CNTN5: variants seen among roughly 807,000 people sequenced by gnomAD.
CNTN5 encodes the protein contactin-5.
CNTN5 carries 77 observed loss-of-function variants against 129.1 expected under a neutral mutation model. The ratio of observed to expected loss-of-function variants is 0.60; its 90% CI spans 0.50 to 0.72. The LOEUF (loss-of-function observed/expected upper bound fraction) is 0.72, where lower values mean the gene tolerates loss of function less well. Among genes scored for constraint, CNTN5 ranks in the 30% least tolerant of loss-of-function variants. CNTN5 has a pLI of 0.00. For missense variants in CNTN5, 1,478 were observed against 1,328.8 expected, an observed-to-expected ratio of 1.11 and a Z score of -1.75; for synonymous variants, 509 against 465.6, an observed-to-expected ratio of 1.09 and a Z score of -1.20.
intron 6 of CNTN5, among the ~76,000 whole-genome samples, chr11:99,867,912 A>G (rs1399224786): frequency 6.6e-6 from 1 of 152,150 alleles, no homozygotes; most frequent in Non-Finnish European, 1.5e-5. Flanking sequence ...ACAAAAGGCA[A>G]GAAGTGTTCT....
At chr11:100,265,737 C>T (rs995368816) in intron 17 of CNTN5, among the ~76,000 whole-genome samples, 3 of 151,996 alleles carry the variant, frequency 2.0e-5, no homozygotes, top group African/African-American at 7.2e-5. Context: ...GTATGAATAC[C>T]GCCTCCTGCA....
intron 1 of CNTN5, among the ~76,000 whole-genome samples, chr11:99,232,199 C>T (rs879016269): frequency 1.3e-5 from 2 of 151,838 alleles, no homozygotes; most frequent in East Asian, 1.9e-4. Flanking sequence ...TGTCAATGGT[C>T]GTTTAATGGG....
At chr11:99,815,036 G>A (rs1307550742) in intron 3 of CNTN5, among the ~76,000 whole-genome samples, 1 of 140,746 alleles carries the variant, frequency 7.1e-6, no homozygotes, top group Non-Finnish European at 1.6e-5. Context: ...ACAGCACGGG[G>A]GAAACTGCCC....
chr11:99,960,063 T>C (rs1270018594), intron 8 of CNTN5, among the ~76,000 whole-genome samples: 1 of 152,186 alleles, frequency 6.6e-6, no homozygotes, highest in Non-Finnish European at 1.5e-5. Context: ...CTTCCCTTTT[T>C]TGTTGTTGTT....
Position 99,564,849 on chromosome 11 carries a change from C to G in CNTN5, c.55+8580C>G, listed in dbSNP as rs1205321576. Among the ~76,000 whole-genome samples, 3 of 152,110 alleles carry G rather than the reference C, an allele frequency of 2.0e-5. No homozygotes were observed. The East Asian group carries it at 5.8e-4, about 29-fold the overall frequency. On this transcript the variant is annotated intron_variant, in intron 3 of 24. Transcript: ENST00000524871. Reference sequence around the variant, plus strand: ...GCAGCTTTCCTGATGGTTTTCGGCTCTTTGTAAATTCAGTCTCCATGTTTA... The same window carrying G: ...GCAGCTTTCCTGATGGTTTTCGGCTGTTTGTAAATTCAGTCTCCATGTTTA...
At chr11:99,773,513 G>A (rs1193963070) in intron 3 of CNTN5, among the ~76,000 whole-genome samples, 3 of 151,866 alleles carry the variant, frequency 2.0e-5, no homozygotes, top group African/African-American at 7.3e-5. Context: ...TACTAACCTA[G>A]GGTATGTTAG....
chr11:99,305,019 G>A (rs919136427), intron 1 of CNTN5, among the ~76,000 whole-genome samples: 6 of 152,122 alleles, frequency 3.9e-5, no homozygotes, highest in Non-Finnish European at 8.8e-5. Context: ...ACTTTCCCAT[G>A]CCTATCCAGT....
chr11:100,298,521 A>G (rs1028920970), intron 19 of CNTN5, among the ~76,000 whole-genome samples: 3 of 151,284 alleles, frequency 2.0e-5, no homozygotes, highest in Non-Finnish European at 4.4e-5. Context: ...GCAAATATTT[A>G]TTGAGTATCT....
chr11:99,476,037 T>C (rs890413544), intron 2 of CNTN5, among the ~76,000 whole-genome samples: 9 of 150,324 alleles, frequency 6.0e-5, no homozygotes, highest in Admixed American at 1.3e-4. Context: ...CAGCCTCTAA[T>C]ATTTCTTCAT....
rs190747477 is a variant in CNTN5, at chr11:99,499,141, A to C, written c.-70-57004A>C. Among the ~76,000 whole-genome samples the C allele has an allele frequency of 5.3e-4, 80 of 152,238 alleles. No individual in the cohort carries two copies. The Middle Eastern group carries it at 0.014, about 26-fold the overall frequency. Reference sequence around the variant, plus strand: ...TCTAAATTTTGTCACTGCTACTTTGAATTCTATTCCTACTGAGATAGTTAA... The same window carrying C: ...TCTAAATTTTGTCACTGCTACTTTGCATTCTATTCCTACTGAGATAGTTAA... On this transcript the variant is annotated intron_variant, in intron 2 of 24. Transcript: ENST00000524871.
intron 2 of CNTN5, among the ~76,000 whole-genome samples, chr11:99,516,553 ACGC>A (rs1198647063): frequency 2.0e-5 from 3 of 152,104 alleles, no homozygotes; most frequent in Non-Finnish European, 2.9e-5. Flanking sequence ...ATACATGCTT[ACGC>A]ACGGGCACAC....
At chr11:99,556,110 C>A in intron 2 of CNTN5, 35 bp from the exon 3 acceptor site, 1 of 539,660 alleles carries the variant, frequency 1.9e-6, no homozygotes, top group South Asian at 4.1e-5. Context: ...TGTTTATTTC[C>A]TCTGTTTAAG....
At chr11:99,691,942 T>A (rs1954055505) in intron 3 of CNTN5, among the ~76,000 whole-genome samples, 1 of 152,162 alleles carries the variant, frequency 6.6e-6, no homozygotes, top group Non-Finnish European at 1.5e-5. Flanking sequence ...ATTGGGTGCA[T>A]ATATATTTAG....
intron 1 of CNTN5, among the ~76,000 whole-genome samples, chr11:99,215,567 G>T (rs1360168461): frequency 6.6e-6 from 1 of 152,054 alleles, no homozygotes; most frequent in East Asian, 1.9e-4. Flanking sequence ...AAGATTCTGG[G>T]GAATAAATTT....
chr11:100,306,987 T>A (rs1951364631), intron 20 of CNTN5, among the ~76,000 whole-genome samples: 1 of 151,714 alleles, frequency 6.6e-6, no homozygotes, highest in African/African-American at 2.4e-5. Flanking sequence ...AACAAAGGTT[T>A]GGCCAAAAGA....
At chr11:99,424,053 T>G (rs902132517) in intron 2 of CNTN5, among the ~76,000 whole-genome samples, 1 of 152,178 alleles carries the variant, frequency 6.6e-6, no homozygotes, top group African/African-American at 2.4e-5. Flanking sequence ...CAGTAAGTAC[T>G]GTGTTTTTTC....
chr11:100,021,075 A>T (rs1022461807), intron 9 of CNTN5, among the ~76,000 whole-genome samples: 1 of 152,066 alleles, frequency 6.6e-6, no homozygotes, highest in African/African-American at 2.4e-5. Context: ...GAATTTTTTT[A>T]AAATTTAGTT....
chr11:99,482,065 A>G (rs1483330041), intron 2 of CNTN5, among the ~76,000 whole-genome samples: 5 of 152,204 alleles, frequency 3.3e-5, no homozygotes, highest in African/African-American at 9.6e-5. Context: ...GTGATTGCAT[A>G]TAAAGGAAAA....
chr11:99,840,258 G>T (rs1190125939), intron 4 of CNTN5, among the ~76,000 whole-genome samples: 2 of 152,008 alleles, frequency 1.3e-5, no homozygotes, highest in African/African-American at 4.8e-5. Context: ...GATAAAGAAA[G>T]AATACATACA....
Sources: allele counts gnomAD v4.1 joint callset (sites outside exome capture counted in the v4.1 genomes callset), GRCh38; gene constraint gnomAD v4.1.1; transcripts MANE v1.5; gene names NCBI Gene and HGNC (gene_info 2026-07-23, HGNC 2026-07-21).